CACNA1C: variants seen among roughly 807,000 people sequenced by gnomAD.
The protein encoded by CACNA1C is calcium voltage-gated channel subunit alpha1 C.
Under a neutral mutation model 229.0 loss-of-function variants are expected in CACNA1C, and 30 were observed. The ratio of observed to expected loss-of-function variants is 0.13; its 90% CI spans 0.10 to 0.18. CACNA1C has a LOEUF of 0.18. CACNA1C is among the 10% of genes least tolerant of loss of function. The pLI, the probability that CACNA1C is intolerant of heterozygous loss-of-function variation, is 1.00. For synonymous variants in CACNA1C, 1,114 were observed against 1,132.5 expected (o/e 0.98, Z 0.33); for missense variants, 1,658 against 2,845.0 (o/e 0.58, Z 9.49).
intron 1 of CACNA1C, among the ~76,000 whole-genome samples, chr12:2,013,228 C>T (rs956173184): frequency 5.9e-5 from 9 of 152,218 alleles, no homozygotes; most frequent in African/African-American, 1.9e-4. Context: ...AACCTGCTAG[C>T]GTTACTGTGA....
At chr12:2,065,058 C>G (rs1356400881) in intron 1 of CACNA1C, among the ~76,000 whole-genome samples, 2 of 152,234 alleles carry the variant, frequency 1.3e-5, no homozygotes, top group Admixed American at 1.3e-4. Flanking sequence ...CTCACACCCC[C>G]TCACTGGCCC....
chr12:2,121,415 T>C (rs1410694094), intron 3 of CACNA1C, among the ~76,000 whole-genome samples: 1 of 152,244 alleles, frequency 6.6e-6, no homozygotes, highest in Non-Finnish European at 1.5e-5. Flanking sequence ...TGACATTTTC[T>C]TGGGCCCTTT....
At chr12:2,561,781 C>G (rs1050415865) in intron 11 of CACNA1C, among the ~76,000 whole-genome samples, 1 of 152,208 alleles carries the variant, frequency 6.6e-6, no homozygotes, top group African/African-American at 2.4e-5. Context: ...GTATCCATCC[C>G]TCTCTCCTGT....
intron 10 of CACNA1C, among the ~76,000 whole-genome samples, chr12:2,554,975 G>A (rs954999521): frequency 2.0e-4 from 30 of 152,342 alleles, no homozygotes; most frequent in African/African-American, 4.3e-4. Flanking sequence ...TCACAATCCC[G>A]GAGGATAGCA....
At position 2,653,689 on chromosome 12, in the gene CACNA1C, G is replaced by C. The variant is rs2095248941; in HGVS notation, c.4075-146G>C. 2.1e-5 allele frequency: 14 copies of C among 678,312 alleles called. No individual in the cohort carries two copies. The East Asian group carries it at 3.8e-4, about 18-fold the overall frequency. The allele number at this position is 678,312 out of a possible 1,614,324, so 42.0% of individuals were successfully genotyped here. ...CAGACCTTCTCGCAGGTTCCCCGTA[G>C]TCCTGTGGGACTCTTGGAAGTGTCC... On this transcript the variant is annotated intron_variant, in intron 32 of 46. Coordinates refer to ENST00000399655, the MANE Select transcript of CACNA1C (RefSeq NM_000719.7). This position sits in a 1 kb window ranked among gnomAD's most constrained non-coding sequence, Gnocchi z 4.7.
intron 4 of CACNA1C, among the ~76,000 whole-genome samples, chr12:2,453,173 C>T (rs2099394055): frequency 6.6e-6 from 1 of 152,178 alleles, no homozygotes; most frequent in Non-Finnish European, 1.5e-5. Flanking sequence ...AGCCAGAACG[C>T]CAGTCACGCA....
chr12:1,997,922 G>T, intron 1 of CACNA1C: 1 of 1,595,574 alleles, frequency 6.3e-7, no homozygotes, highest in South Asian at 1.1e-5. Context: ...TTATAAAAGT[G>T]AAACACTCTT....
chr12:2,003,741 T>C (rs779505999), intron 1 of CACNA1C, among the ~76,000 whole-genome samples: 3 of 152,218 alleles, frequency 2.0e-5, no homozygotes, highest in Non-Finnish European at 2.9e-5. Flanking sequence ...CTGCCCCATT[T>C]TGTCTTTTAT....
intron 3 of CACNA1C, among the ~76,000 whole-genome samples, chr12:2,143,272 A>T (rs1352377607): frequency 4.6e-5 from 7 of 151,006 alleles, no homozygotes; most frequent in Non-Finnish European, 8.9e-5. Flanking sequence ...CTGGCCTAGA[A>T]AATCTTTAAA....
At chr12:2,394,827 G>A (rs2098544304) in intron 3 of CACNA1C, among the ~76,000 whole-genome samples, 1 of 152,126 alleles carries the variant, frequency 6.6e-6, no homozygotes, top group Non-Finnish European at 1.5e-5. Flanking sequence ...GTAAGAAATT[G>A]GAGTGGTTTG....
chr12:2,302,267 G>T (rs545450741), intron 3 of CACNA1C, among the ~76,000 whole-genome samples: 1 of 152,014 alleles, frequency 6.6e-6, no homozygotes, highest in Non-Finnish European at 1.5e-5. Context: ...AGGATGCCTG[G>T]CCTGTGTGTT....
At chr12:2,617,872 A>T (rs1373570271) in intron 29 of CACNA1C, among the ~76,000 whole-genome samples, 1 of 152,202 alleles carries the variant, frequency 6.6e-6, no homozygotes, top group Admixed American at 6.5e-5. Flanking sequence ...TCCATAGAGA[A>T]ACAACAGCCC....
chr12:2,256,321 TG>T (rs2077790123), intron 3 of CACNA1C, among the ~76,000 whole-genome samples: 1 of 152,214 alleles, frequency 6.6e-6, no homozygotes, highest in African/African-American at 2.4e-5. Flanking sequence ...TTGGGCACAT[TG>T]GTGTCTTAAA....
At chr12:2,252,229 T>A (rs1722127347) in intron 3 of CACNA1C, among the ~76,000 whole-genome samples, 1 of 152,222 alleles carries the variant, frequency 6.6e-6, no homozygotes, top group Non-Finnish European at 1.5e-5. Flanking sequence ...CAGAGATGGC[T>A]GCTTGGATGA....
intron 34 of CACNA1C, among the ~76,000 whole-genome samples, chr12:2,663,934 G>T (rs1262251203): frequency 1.3e-5 from 2 of 151,508 alleles, no homozygotes; most frequent in African/African-American, 4.9e-5. Context: ...TAGAGACGAG[G>T]CTTCACCATG....
chr12:2,534,695 T>C (rs1003771996), intron 9 of CACNA1C, among the ~76,000 whole-genome samples: 18 of 152,202 alleles, frequency 1.2e-4, no homozygotes, highest in African/African-American at 4.3e-4. Context: ...TGGGAAATGT[T>C]TCATCCATTA....
chr12:2,530,530 G>A (rs1002970997), intron 9 of CACNA1C, among the ~76,000 whole-genome samples: 1 of 152,172 alleles, frequency 6.6e-6, no homozygotes, highest in African/African-American at 2.4e-5. Context: ...AAGGCCAGAA[G>A]GACCATGATG....
rs36012443 is a variant in CACNA1C at position 2,560,848 on chromosome 12, TAAAAAA to T, written c.1508+3889_1508+3894del. ...CTGTGGTGTTTGTTGTTGGTTCTGG[TAAAAAA>T]AAAAAAAAAAAAAAAAAGTGGAAAC... On this transcript the variant is annotated intron_variant, in intron 11 of 46. Transcript: ENST00000399655. Among the ~76,000 whole-genome samples, 555 of 113,076 alleles carry T rather than the reference TAAAAAA, an allele frequency of 4.9e-3. 4 individuals carry two copies. The highest frequency in any genetic ancestry group is 0.018 in the African/African-American group (525 of 29,098). 74.2% of individuals were successfully genotyped at this position (113,076 alleles called of 152,430 possible).
At position 2,686,263 on chromosome 12, in the gene CACNA1C, T is replaced by C; in HGVS notation, c.5778T>C (p.His1926=). The C allele has an allele frequency of 6.2e-7, 1 of 1,608,324 alleles. No individual in the cohort carries two copies. Among genetic ancestry groups the C allele is most frequent in the Non-Finnish European group, 8.5e-7 (1 of 1,176,054 alleles). ...QKTVLPLHLV[H]HQALAVAGLS... ...CAGTCCTGCCCTTGCATCTGGTTCA[T>C]CATCAGGTAGCTCACACTTTTGGAC... The change falls in exon 45 of 47, where the codon CAT becomes CAC. Residue 1926 remains histidine, a synonymous_variant. Coordinates refer to ENST00000399655, the MANE Select transcript of CACNA1C (RefSeq NM_000719.7).
Sources: gnomAD v4.1 joint callset for allele counts (sites outside exome capture counted in the v4.1 genomes callset) on GRCh38, gnomAD v4.1.1 for gene constraint, Gnocchi (gnomAD v3.1) non-coding constraint, MANE v1.5 for transcripts, NCBI Gene and HGNC (gene_info 2026-07-23, HGNC 2026-07-21) for gene names.